Variants in TMIGD3 observed in about 807,000 individuals in gnomAD.
The protein encoded by TMIGD3 is AD026 protein (AD026).
Under a neutral mutation model 28.1 loss-of-function variants are expected in TMIGD3, and 21 were observed. The ratio of observed to expected loss-of-function variants is 0.75; its 90% CI spans 0.53 to 1.08. TMIGD3 has a LOEUF of 1.08. Among genes scored for constraint, TMIGD3 ranks in the 50% least tolerant of loss-of-function variants. TMIGD3 has a pLI of 0.00. For missense variants in TMIGD3, 416 were observed against 435.6 expected, an observed-to-expected ratio of 0.96 and a Z score of 0.40; for synonymous variants, 151 against 162.1, an observed-to-expected ratio of 0.93 and a Z score of 0.52.
At chr1:111,495,803 A>T (rs1040697285) in intron 1 of TMIGD3, among the ~76,000 whole-genome samples, 10 of 152,268 alleles carry the variant, frequency 6.6e-5, no homozygotes, top group African/African-American at 2.2e-4. Context: ...GTACATAGAC[A>T]CGATGGACTA....
In TMIGD3 at chr1:111,529,413, C is replaced by A. The variant is rs201764184; in HGVS notation, c.107+34433G>T. On this transcript the variant is annotated intron_variant, in intron 1 of 5. Transcript: ENST00000369717. ...ATTGATCATTCTTGGGTGTTTCTCGCAGAGGGGGATTTGGCAGGGTCACAG... is the reference window on the plus strand; with the variant it reads ...ATTGATCATTCTTGGGTGTTTCTCGAAGAGGGGGATTTGGCAGGGTCACAG... Among the ~76,000 whole-genome samples the A allele has an allele frequency of 1.1e-4, 17 of 150,196 alleles. 1 individual carries two copies. The East Asian group carries it at 1.9e-3, about 17-fold the overall frequency.
At chr1:111,497,377 T>C (rs1264749336) in intron 1 of TMIGD3, among the ~76,000 whole-genome samples, 1 of 152,202 alleles carries the variant, frequency 6.6e-6, no homozygotes, top group African/African-American at 2.4e-5. Context: ...CCCAAAGTGC[T>C]GGGATTACAG....
chr1:111,524,215 G>T (rs972640128), intron 1 of TMIGD3, among the ~76,000 whole-genome samples: 2 of 151,640 alleles, frequency 1.3e-5, no homozygotes, highest in Non-Finnish European at 2.9e-5. Context: ...ATTTTTAGTA[G>T]AGATGGGGTT....
At chr1:111,560,112 G>A (rs1657669834) in intron 1 of TMIGD3, among the ~76,000 whole-genome samples, 1 of 152,206 alleles carries the variant, frequency 6.6e-6, no homozygotes, top group East Asian at 1.9e-4. Context: ...GAAGCTCAGA[G>A]ATTACAATAT....
intron 1 of TMIGD3, among the ~76,000 whole-genome samples, chr1:111,551,115 C>T (rs1428069032): frequency 6.6e-6 from 1 of 152,094 alleles, no homozygotes; most frequent in Non-Finnish European, 1.5e-5. Flanking sequence ...TACTTTCAAC[C>T]TGTTTGTGTC....
At chr1:111,512,943 G>A (rs532006091) in intron 1 of TMIGD3, among the ~76,000 whole-genome samples, 1 of 152,206 alleles carries the variant, frequency 6.6e-6, no homozygotes, top group Non-Finnish European at 1.5e-5. Flanking sequence ...GACTGTGGGA[G>A]GCAGTACCAT....
At chr1:111,526,275 G>A (rs1471358287) in intron 1 of TMIGD3, among the ~76,000 whole-genome samples, 1 of 152,090 alleles carries the variant, frequency 6.6e-6, no homozygotes, top group Non-Finnish European at 1.5e-5. Context: ...TCCATGTGTG[G>A]TGGGAGGGAC....
At chr1:111,513,098 C>T (rs1655745816) in intron 1 of TMIGD3, among the ~76,000 whole-genome samples, 1 of 152,218 alleles carries the variant, frequency 6.6e-6, no homozygotes, top group African/African-American at 2.4e-5. Context: ...TCCAGGTCAC[C>T]AGCCCCCAAG....
At chr1:111,491,675 C>A (rs1301653951) in intron 1 of TMIGD3, among the ~76,000 whole-genome samples, 1 of 152,110 alleles carries the variant, frequency 6.6e-6, no homozygotes, top group African/African-American at 2.4e-5. Context: ...TCATCAAAAA[C>A]CTCTATGAGT....
At chr1:111,514,909 C>G (rs905343960) in intron 1 of TMIGD3, among the ~76,000 whole-genome samples, 1 of 152,186 alleles carries the variant, frequency 6.6e-6, no homozygotes, top group Admixed American at 6.5e-5. Context: ...TTTTCATCAC[C>G]TCTTCTTTTC....
chr1:111,519,726 A>G (rs1397136257), intron 1 of TMIGD3, among the ~76,000 whole-genome samples: 1 of 143,926 alleles, frequency 6.9e-6, no homozygotes, highest in Non-Finnish European at 1.5e-5. Context: ...ATGGAGTCTC[A>G]CTGTCACCCA....
rs187590949 is a variant in TMIGD3, at chr1:111,562,671, T to C, written c.107+1175A>G. Among the ~76,000 whole-genome samples the C allele has an allele frequency of 3.3e-5, 5 of 152,346 alleles. No individual in the cohort carries two copies. The East Asian group carries it at 9.6e-4, about 29-fold the overall frequency. On this transcript the variant is annotated intron_variant, in intron 1 of 5. Coordinates refer to the TMIGD3 transcript ENST00000369717. ...CCTAAACCCACTGCCATGTTTCAAA[T>C]GAAAGTAATCCATTGTGAATCCAAG...
intron 1 of TMIGD3, among the ~76,000 whole-genome samples, chr1:111,517,248 G>C (rs1483626390): frequency 6.6e-6 from 1 of 151,968 alleles, no homozygotes; most frequent in Non-Finnish European, 1.5e-5. Context: ...TCAGGCCTCA[G>C]ACATTTCCAA....
chr1:111,528,233 A>T, intron 1 of TMIGD3, among the ~76,000 whole-genome samples: 1 of 152,132 alleles, frequency 6.6e-6, no homozygotes, highest in East Asian at 1.9e-4. Context: ...TGTGGATGTC[A>T]TTTGCTCATC....
At chr1:111,543,685 A>G (rs1656931320) in intron 1 of TMIGD3, among the ~76,000 whole-genome samples, 1 of 151,076 alleles carries the variant, frequency 6.6e-6, no homozygotes, top group Non-Finnish European at 1.5e-5. Flanking sequence ...AAAGGAGAGG[A>G]GGAGGGGGAG....
At chr1:111,511,493 C>A (rs1227813982) in intron 1 of TMIGD3, among the ~76,000 whole-genome samples, 1 of 152,174 alleles carries the variant, frequency 6.6e-6, no homozygotes, top group African/African-American at 2.4e-5. Context: ...GTTTTTGCAT[C>A]TTCTAACTTC....
intron 1 of TMIGD3, among the ~76,000 whole-genome samples, chr1:111,526,876 C>T (rs1445638848): frequency 6.6e-6 from 1 of 152,072 alleles, no homozygotes; most frequent in South Asian, 2.1e-4. Context: ...GATGTTTTTA[C>T]TTAGTTTTAC....
chr1:111,534,140 G>A (rs75353970), intron 1 of TMIGD3, among the ~76,000 whole-genome samples: 1,921 of 151,840 alleles, frequency 0.013, 38 homozygotes, highest in African/African-American at 0.043. Flanking sequence ...TTTTATCTTC[G>A]TTATACAAAT....
chr1:111,511,998 C>T (rs1179463117), intron 1 of TMIGD3, among the ~76,000 whole-genome samples: 3 of 141,134 alleles, frequency 2.1e-5, no homozygotes, highest in African/African-American at 8.6e-5. Context: ...GTAGCCAGTT[C>T]AGGGTCAAAA....
Sources: allele counts gnomAD v4.1 joint callset (sites outside exome capture counted in the v4.1 genomes callset), GRCh38; gene constraint gnomAD v4.1.1; transcripts MANE v1.5; gene names NCBI Gene and HGNC (gene_info 2026-07-23, HGNC 2026-07-21).